SYNE1: variants seen among roughly 807,000 people sequenced by gnomAD.
SYNE1 encodes nesprin-1.
SYNE1 carries 616 observed loss-of-function variants against 1,111.0 expected under a neutral mutation model. The observed-to-expected ratio is 0.55, with a 90% CI of 0.52 to 0.59. The LOEUF is 0.59. Ranked by LOEUF, SYNE1 falls within the 20% of genes least tolerant of loss-of-function variation. The probability of loss-of-function intolerance (pLI) is 0.00; values close to 1 mark genes in which losing one functional copy is unlikely to be tolerated. For missense variants in SYNE1, 10,006 were observed against 10,417.0 expected (o/e 0.96, Z 1.72); for synonymous variants, 3,855 against 3,825.8 (o/e 1.01, Z -0.28).
At chr6:152,516,373 C>A (rs1052350143) in intron 6 of SYNE1, among the ~76,000 whole-genome samples, 1 of 152,100 alleles carries the variant, frequency 6.6e-6, no homozygotes, top group Non-Finnish European at 1.5e-5. Context: ...TGGGTTGTTC[C>A]GTGAAAATGG....
In SYNE1 at chr6:152,427,806, C is replaced by T; in HGVS notation, c.4987G>A (p.Glu1663Lys). 1 of 1,614,010 alleles carries T rather than the reference C, an allele frequency of 6.2e-7. No individual in the cohort carries two copies. ...LLAHWQRLEK[E>K]LSSFLTWLER... is the part of the protein sequence containing the mutation. ...AACCAGGTCAAAAAGGATGATAGTT[C>T]TTTCTCTAGCCTAAAGGAAGCAGAG... The change falls in exon 38 of 146, where the codon GAA becomes AAA. Residue 1663 changes from glutamate to lysine, a missense_variant. Transcript: ENST00000367255.
chr6:152,348,517 T>C (rs1674213071), intron 72 of SYNE1, among the ~76,000 whole-genome samples: 2 of 152,120 alleles, frequency 1.3e-5, no homozygotes, highest in African/African-American at 4.8e-5. Context: ...TAACCCTGTC[T>C]CTACTAAAAA....
At position 152,587,593 on chromosome 6, in the gene SYNE1, AGGAACAGAAAG is replaced by A. The variant is rs532069092; in HGVS notation, c.67+40661_67+40671del. ...TGTGGGGTGAGTTGCTCAGGCAGAA[AGGAACAGAAAG>A]GGAACTAAATCTCTTTAGCAACTTC... On this transcript the variant is annotated intron_variant, in intron 3 of 145. Coordinates refer to ENST00000367255, the MANE Select transcript of SYNE1 (RefSeq NM_182961.4). 1.2e-3 allele frequency among the ~76,000 whole-genome samples: 183 copies of A among 152,304 alleles called. 1 individual carries two copies. The highest frequency in any genetic ancestry group is 3.5e-3 in the African/African-American group (145 of 41,568).
At chr6:152,411,955 T>C (rs1162865545) in intron 42 of SYNE1, among the ~76,000 whole-genome samples, 1 of 152,194 alleles carries the variant, frequency 6.6e-6, no homozygotes, top group Non-Finnish European at 1.5e-5. Flanking sequence ...AGTCTCACTT[T>C]TAGATTATTT....
intron 3 of SYNE1, among the ~76,000 whole-genome samples, chr6:152,556,100 C>CT (rs2099364151): frequency 6.6e-6 from 1 of 152,162 alleles, no homozygotes; most frequent in Non-Finnish European, 1.5e-5. Context: ...GTGATATCAG[C>CT]AAGATGGCAT....
At position 152,330,431 on chromosome 6, in the gene SYNE1, T is replaced by C; in HGVS notation, c.14254A>G (p.Met4752Val). ...TGATATAAGGTGACAAGGTGCAGCA[T>C]CTTGTCTGGCTGCCAAGGCTGACCT... ...STGQPWQPDK[M>V]LHLVTLYHRL... is the part of the protein sequence containing the mutation. The change falls in exon 78 of 146, where the codon ATG (methionine) becomes GTG (valine). Residue 4752 changes from methionine to valine, a missense_variant. Physicochemically the swap from Met to Val is conservative, Grantham distance 21. Coordinates refer to ENST00000367255, the MANE Select transcript of SYNE1 (RefSeq NM_182961.4). 6.2e-7 allele frequency: 1 copy of C among 1,614,180 alleles called. No individual in the cohort carries two copies. The highest frequency in any genetic ancestry group is 8.5e-7 in the Non-Finnish European group (1 of 1,180,034).
intron 4 of SYNE1, among the ~76,000 whole-genome samples, chr6:152,528,126 TTCTCC>T (rs2099172604): frequency 6.6e-6 from 1 of 152,178 alleles, no homozygotes; most frequent in African/African-American, 2.4e-5. Flanking sequence ...TTCTCTTTCT[TTCTCC>T]TCTCTTCTTC....
At chr6:152,155,508 A>G (rs2061231607) in intron 132 of SYNE1, 1 of 329,240 alleles carries the variant, frequency 3.0e-6, no homozygotes. Context: ...GAGCACAGCC[A>G]TGATGATCAC....
intron 98 of SYNE1, among the ~76,000 whole-genome samples, chr6:152,269,925 C>G (rs1038803614): frequency 2.6e-5 from 4 of 152,092 alleles, no homozygotes; most frequent in African/African-American, 9.7e-5. Context: ...AGCATAGAGG[C>G]AAGGAGTCTA....
At position 152,189,316 on chromosome 6, in the gene SYNE1, T is replaced by C; in HGVS notation, c.23237A>G (p.Asp7746Gly). 1.2e-6 allele frequency: 2 copies of C among 1,614,066 alleles called. No homozygotes were observed. The highest frequency in any genetic ancestry group is 1.7e-6 in the Non-Finnish European group (2 of 1,179,982). ...TACGCGTTCATTAAGAATGGAGATA[T>C]CATCAGCACTGATATAGGCAGAGAG... ...DTLSAYISAD[D>G]ISILNERVEL... The change falls in exon 128 of 146, where the codon GAT becomes GGT. Residue 7746 changes from aspartate to glycine, a missense_variant. Physicochemically the swap from Asp to Gly is moderately conservative, Grantham distance 94. Around this residue, in one of 7 missense-constraint regions of SYNE1, gnomAD observed 2,182 missense variants for 2,287.8 expected, o/e 0.95. Coordinates refer to ENST00000367255, the MANE Select transcript of SYNE1 (RefSeq NM_182961.4).
intron 3 of SYNE1, among the ~76,000 whole-genome samples, chr6:152,574,450 C>T (rs560412822): frequency 5.3e-5 from 8 of 152,166 alleles, no homozygotes; most frequent in African/African-American, 1.9e-4. Flanking sequence ...CAGTTAATTG[C>T]TGTAATTGAA....
In SYNE1 at chr6:152,488,378, A is replaced by G. The variant is rs2098952411; in HGVS notation, c.1047+18T>C. 1 of 1,420,400 alleles carries G rather than the reference A, an allele frequency of 7.0e-7. No individual in the cohort carries two copies. The highest frequency in any genetic ancestry group is 9.9e-7 in the Non-Finnish European group (1 of 1,010,056). 88.0% of individuals were successfully genotyped at this position (1,420,400 alleles called of 1,614,324 possible). On this transcript the variant is annotated intron_variant, in intron 12 of 145. Coordinates refer to ENST00000367255, the MANE Select transcript of SYNE1 (RefSeq NM_182961.4). The stretch of plus-strand genomic sequence containing the variant: ...AAAATAGCTTTTGAAAAATTCAAAA[A>G]TCTTCTCCATACAATACCTGATATT...
intron 6 of SYNE1, among the ~76,000 whole-genome samples, chr6:152,514,597 C>T (rs1051233465): frequency 3.4e-5 from 5 of 149,078 alleles, no homozygotes; most frequent in Non-Finnish European, 7.4e-5. Context: ...GCACGTTCTG[C>T]ACATGTATCC....
intron 102 of SYNE1, 52 bp downstream of exon 102, chr6:152,256,582 C>A: frequency 6.2e-6 from 10 of 1,609,998 alleles, no homozygotes; most frequent in Non-Finnish European, 7.6e-6. Context: ...TCAATACAAG[C>A]AAAACAAGAC....
Position 152,148,931 on chromosome 6 carries a change from C to A in SYNE1, c.24642+546G>T, listed in dbSNP as rs1038513893. ...AGCCCAGATATAAAATAGGTTTGAT[C>A]GTAGAAGATTCCAAATACTCTAATA... is the stretch of plus-strand genomic sequence containing the variant. On this transcript the variant is annotated intron_variant, in intron 136 of 145. Coordinates refer to ENST00000367255, the MANE Select transcript of SYNE1 (RefSeq NM_182961.4). The surrounding 1 kb of genome is among the most constrained non-coding windows in gnomAD (Gnocchi z 4.1). Among the ~76,000 whole-genome samples, 5 of 152,082 alleles carry A rather than the reference C, an allele frequency of 3.3e-5. No homozygotes were observed. Among genetic ancestry groups the A allele is most frequent in the Non-Finnish European group, 7.4e-5 (5 of 68,026 alleles).
At chr6:152,576,135 C>T (rs1461528775) in intron 3 of SYNE1, among the ~76,000 whole-genome samples, 3 of 152,198 alleles carry the variant, frequency 2.0e-5, no homozygotes, top group African/African-American at 4.8e-5. Context: ...CTAATGTTAA[C>T]TCTAATCTGC....
intron 63 of SYNE1, among the ~76,000 whole-genome samples, chr6:152,363,494 A>AAAAT (rs2096983814): frequency 1.5e-5 from 2 of 133,712 alleles, no homozygotes; most frequent in Non-Finnish European, 3.2e-5. Context: ...ACTCCGTCTC[A>AAAAT]AACTAAATAA....
At chr6:152,306,487 AAAATAAATAAATAAATAAAT>A (rs56931883) in intron 91 of SYNE1, among the ~76,000 whole-genome samples, 4 of 142,456 alleles carry the variant, frequency 2.8e-5, no homozygotes, top group East Asian at 2.1e-4. Context: ...CTCCATCTAA[AAAATAAATAAATAAATAAAT>A]AAATAAATAA....
At chr6:152,316,683 G>C in intron 87 of SYNE1, 166 bp downstream of exon 87, 1 of 693,768 alleles carries the variant, frequency 1.4e-6, no homozygotes, top group Non-Finnish European at 2.4e-6. Flanking sequence ...TTCATGAGAA[G>C]CTCCTTTCTG....
Sources: gnomAD v4.1 joint callset for allele counts (sites outside exome capture counted in the v4.1 genomes callset) on GRCh38, gnomAD v4.1.1 for gene constraint, gnomAD v4.1.1 regional missense constraint, Gnocchi (gnomAD v3.1) non-coding constraint, MANE v1.5 for transcripts, NCBI Gene and HGNC (gene_info 2026-07-23, HGNC 2026-07-21) for gene names.